CDH9: variants seen among roughly 807,000 people sequenced by gnomAD.
CDH9 encodes the protein cadherin 9, also known as cadherin-9.
Under a neutral mutation model 70.9 loss-of-function variants are expected in CDH9, and 28 were observed. The observed-to-expected ratio is 0.40, with a 90% CI of 0.29 to 0.54. The LOEUF (loss-of-function observed/expected upper bound fraction) is 0.54, where lower values mean the gene tolerates loss of function less well. Ranked by LOEUF, CDH9 falls within the 20% of genes least tolerant of loss-of-function variation. The pLI, the probability that CDH9 is intolerant of heterozygous loss-of-function variation, is 0.59. For synonymous variants in CDH9, 409 were observed against 343.1 expected (o/e 1.19, Z -2.12); for missense variants, 874 against 984.4 (o/e 0.89, Z 1.50).
At chr5:26,986,981 C>G (rs895870297) in intron 2 of CDH9, among the ~76,000 whole-genome samples, 3 of 151,814 alleles carry the variant, frequency 2.0e-5, no homozygotes, top group Non-Finnish European at 4.4e-5. Context: ...TTTGATTGGC[C>G]CACACACAGA....
chr5:26,925,924 T>C (rs1026057413), intron 2 of CDH9, among the ~76,000 whole-genome samples: 3 of 152,088 alleles, frequency 2.0e-5, no homozygotes, highest in Non-Finnish European at 4.4e-5. Flanking sequence ...ATAAACTAGG[T>C]ATTGATGGAA....
In CDH9 at chr5:26,951,950, T is replaced by TTTTATTTTATTTTAC. The variant is rs1445826251; in HGVS notation, c.229-36027_229-36026insGTAAAATAAAATAAA. Among the ~76,000 whole-genome samples the TTTTATTTTATTTTAC allele has an allele frequency of 1.0e-3, 134 of 131,990 alleles. No homozygotes were observed. The Middle Eastern group carries it at 0.019, about 18-fold the overall frequency. 86.6% of individuals were successfully genotyped at this position (131,990 alleles called of 152,430 possible). ...CTTTCAACACTCATGTTAAAATTTA[T>TTTTATTTTATTTTAC]TTTATTTTATTTTATTTTATTTTAT... On this transcript the variant is annotated intron_variant, in intron 2 of 11. Coordinates refer to ENST00000231021, the MANE Select transcript of CDH9 (RefSeq NM_016279.4).
rs564486830 is a variant in CDH9 at position 26,999,397 on chromosome 5, G to A, written c.-49-11015C>T. On this transcript the variant is annotated intron_variant, in intron 1 of 11. Transcript: ENST00000231021. The stretch of plus-strand genomic sequence containing the variant: ...GATACTCTTATTCAATAGAGATAGT[G>A]GCAGAAGAAAAACAAATAATAAATT... 1.4e-4 allele frequency among the ~76,000 whole-genome samples: 22 copies of A among 152,198 alleles called. No homozygotes were observed. In the South Asian group the frequency reaches 4.6e-3, roughly 32 times the overall value.
chr5:27,033,339 GCTTT>G (rs1378482296), intron 1 of CDH9, among the ~76,000 whole-genome samples: 1 of 151,090 alleles, frequency 6.6e-6, no homozygotes, highest in Non-Finnish European at 1.5e-5. Flanking sequence ...AATTCATTGT[GCTTT>G]CTTTCTGTTT....
rs577517149 is a variant in CDH9 at position 26,961,274 on chromosome 5, C to A, written c.228+26832G>T. ...TTTTTGTGAAGAAAACACTCAGAAT[C>A]TACTCTTTCAGCAATTTTTAAGTAT... On this transcript the variant is annotated intron_variant, in intron 2 of 11. Transcript: ENST00000231021. Among the ~76,000 whole-genome samples the A allele has an allele frequency of 5.9e-5, 9 of 152,188 alleles. No individual in the cohort carries two copies. The South Asian group carries it at 1.9e-3, about 32-fold the overall frequency.
At chr5:27,027,292 C>G (rs1024877214) in intron 1 of CDH9, among the ~76,000 whole-genome samples, 1 of 151,828 alleles carries the variant, frequency 6.6e-6, no homozygotes, top group Non-Finnish European at 1.5e-5. Flanking sequence ...ACTTAAGGAA[C>G]CTTATGATGT....
intron 2 of CDH9, among the ~76,000 whole-genome samples, chr5:26,949,202 C>A (rs1474641278): frequency 6.6e-6 from 1 of 152,256 alleles, no homozygotes; most frequent in African/African-American, 2.4e-5. Flanking sequence ...AAATGCAGCT[C>A]CATTACCAAG....
At position 26,988,184 on chromosome 5, in the gene CDH9, G is replaced by A. The variant is rs778461742; in HGVS notation, c.150C>T (p.Arg50=). The stretch of plus-strand genomic sequence containing the variant: ...GATTCCACATCCAGCCACGCTTGGT[G>A]CGACGTAGCATTTTACCGTCATCTT... ...LTKDDGKMLR[R]TKRGWMWNQF... is the part of the protein sequence containing the mutation. The change falls in exon 2 of 12, where the codon CGC becomes CGT. Residue 50 remains arginine, a synonymous_variant. Coordinates refer to ENST00000231021, the MANE Select transcript of CDH9 (RefSeq NM_016279.4). 4 of 1,613,414 alleles carry A rather than the reference G, an allele frequency of 2.5e-6. No homozygotes were observed. In the Admixed American group the frequency reaches 6.7e-5, roughly 27 times the overall value.
rs1390370668 is a variant in CDH9 at position 27,011,622 on chromosome 5, A to G, written c.-49-23240T>C. On this transcript the variant is annotated intron_variant, in intron 1 of 11. Coordinates refer to ENST00000231021, the MANE Select transcript of CDH9 (RefSeq NM_016279.4). ...TGTCATGCATTGCTATGGCAGCCTT[A>G]GGAAACTTATAGTGTTAAAGTTAAT... Among the ~76,000 whole-genome samples, 3 of 152,112 alleles carry G rather than the reference A, an allele frequency of 2.0e-5. No homozygotes were observed. The East Asian group carries it at 5.8e-4, about 29-fold the overall frequency.
At chr5:27,005,544 A>G (rs1742848915) in intron 1 of CDH9, among the ~76,000 whole-genome samples, 1 of 152,108 alleles carries the variant, frequency 6.6e-6, no homozygotes, top group Non-Finnish European at 1.5e-5. Context: ...CGTGGAGAAA[A>G]GCAAACACAT....
intron 2 of CDH9, among the ~76,000 whole-genome samples, chr5:26,987,137 T>G (rs1037278221): frequency 5.4e-5 from 8 of 149,040 alleles, no homozygotes; most frequent in Non-Finnish European, 1.2e-4. Context: ...ATCTAATTTA[T>G]GTGCCTGGTG....
At chr5:26,892,188 A>G (rs1319346839) in intron 7 of CDH9, among the ~76,000 whole-genome samples, 3 of 152,262 alleles carry the variant, frequency 2.0e-5, no homozygotes, top group African/African-American at 4.8e-5. Flanking sequence ...AAAGTCCTTC[A>G]GTTACATCAG....
At chr5:26,927,915 G>A (rs570261481) in intron 2 of CDH9, among the ~76,000 whole-genome samples, 166 of 152,078 alleles carry the variant, frequency 1.1e-3, no homozygotes, top group Non-Finnish European at 2.0e-3. Context: ...TATGTCAAGG[G>A]CACTGTTTAC....
chr5:26,903,955 C>A, intron 5 of CDH9, 131 bp from the exon 6 acceptor site: 1 of 551,670 alleles, frequency 1.8e-6, no homozygotes, highest in Non-Finnish European at 3.1e-6. Context: ...TGTAAGCTGT[C>A]AAAATTGTAT....
chr5:26,972,298 G>A (rs900976610), intron 2 of CDH9, among the ~76,000 whole-genome samples: 2 of 152,156 alleles, frequency 1.3e-5, no homozygotes, highest in African/African-American at 4.8e-5. Flanking sequence ...GTATTTTGGA[G>A]TTTGGAAGAG....
At position 26,883,070 on chromosome 5, in the gene CDH9, T is replaced by G. The variant is rs1470962368; in HGVS notation, c.1883-1447A>C. Among the ~76,000 whole-genome samples, 287 of 127,782 alleles carry G rather than the reference T, an allele frequency of 2.2e-3. 17 individuals carry two copies. The highest frequency in any genetic ancestry group is 6.6e-3 in the African/African-American group (222 of 33,880). 83.8% of individuals were successfully genotyped at this position (127,782 alleles called of 152,430 possible). On this transcript the variant is annotated intron_variant, in intron 11 of 11. Coordinates refer to ENST00000231021, the MANE Select transcript of CDH9 (RefSeq NM_016279.4). ...ATATATATATATATATATATATATA[T>G]ATATATATATATATATATATATATA...
chr5:26,937,023 A>C (rs1379616909), intron 2 of CDH9, among the ~76,000 whole-genome samples: 1 of 152,116 alleles, frequency 6.6e-6, no homozygotes, highest in Non-Finnish European at 1.5e-5. Context: ...TGAAAGAAAA[A>C]TTGGTAAATT....
At chr5:26,996,243 G>C (rs772951212) in intron 1 of CDH9, among the ~76,000 whole-genome samples, 1 of 151,812 alleles carries the variant, frequency 6.6e-6, no homozygotes, top group Non-Finnish European at 1.5e-5. Flanking sequence ...ATACTATTTT[G>C]ATCAATAATG....
At chr5:26,889,678 T>TA (rs35232716) in intron 9 of CDH9, among the ~76,000 whole-genome samples, 158 bp downstream of exon 9, 49,654 of 151,944 alleles carry the variant, frequency 0.33, 8,624 homozygotes, top group Middle Eastern at 0.52. Context: ...ATCACCTTTT[T>TA]AAAAAATCAC....
Sources: allele counts gnomAD v4.1 joint callset (sites outside exome capture counted in the v4.1 genomes callset), GRCh38; gene constraint gnomAD v4.1.1; transcripts MANE v1.5; gene names NCBI Gene and HGNC (gene_info 2026-07-23, HGNC 2026-07-21).